HDAC9: variants seen among roughly 807,000 people sequenced by gnomAD.
The protein encoded by HDAC9 is MEF-2 interacting transcription repressor (MITR) protein.
A neutral mutation model predicts 139.4 loss-of-function variants in HDAC9; 41 were observed. The ratio of observed to expected loss-of-function variants is 0.29; its 90% CI spans 0.23 to 0.38. The LOEUF (loss-of-function observed/expected upper bound fraction) is 0.38, where lower values mean the gene tolerates loss of function less well. Among genes scored for constraint, HDAC9 ranks in the 10% least tolerant of loss-of-function variants. The pLI is 1.00. For missense variants in HDAC9, 1,147 were observed against 1,297.0 expected, an observed-to-expected ratio of 0.88 and a Z score of 1.78; for synonymous variants, 517 against 476.2, an observed-to-expected ratio of 1.09 and a Z score of -1.12.
intron 1 of HDAC9, among the ~76,000 whole-genome samples, chr7:18,439,623 T>C (rs74729276): frequency 0.033 from 4,981 of 152,286 alleles, 100 homozygotes; most frequent in African/African-American, 0.059. Flanking sequence ...TACTACTGTC[T>C]TCTTATTGAC....
chr7:18,602,289 ATAGT>A (rs370612522), intron 6 of HDAC9, among the ~76,000 whole-genome samples: 8 of 151,958 alleles, frequency 5.3e-5, no homozygotes, highest in African/African-American at 1.9e-4. Context: ...CACAGCATCA[ATAGT>A]TATGACCCCT....
chr7:18,774,081 T>C (rs538553671), intron 16 of HDAC9, among the ~76,000 whole-genome samples: 1 of 152,188 alleles, frequency 6.6e-6, no homozygotes, highest in Admixed American at 6.6e-5. Context: ...CCCTAGGATT[T>C]AATCATTCCC....
At chr7:18,826,986 T>G (rs1175930433) in intron 17 of HDAC9, among the ~76,000 whole-genome samples, 1 of 151,896 alleles carries the variant, frequency 6.6e-6, no homozygotes, top group Non-Finnish European at 1.5e-5. Flanking sequence ...GGTGCAGTGC[T>G]GCACAGCTGT....
At chr7:18,849,158 ACAGT>A (rs1408513963) in intron 21 of HDAC9, among the ~76,000 whole-genome samples, 9 of 152,228 alleles carry the variant, frequency 5.9e-5, no homozygotes, top group African/African-American at 1.9e-4. Flanking sequence ...TAAGATTCTC[ACAGT>A]CACTTTAGTA....
chr7:18,880,473 T>A (rs1283169356), intron 22 of HDAC9, among the ~76,000 whole-genome samples: 1 of 152,092 alleles, frequency 6.6e-6, no homozygotes, highest in Non-Finnish European at 1.5e-5. Flanking sequence ...TATGCAGCCA[T>A]AAAAAAGAAC....
chr7:18,411,875 G>A (rs1788594238), intron 1 of HDAC9, among the ~76,000 whole-genome samples: 1 of 143,760 alleles, frequency 7.0e-6, no homozygotes, highest in South Asian at 2.2e-4. Context: ...GCCTAGGCTG[G>A]AGTGCAGTGG....
chr7:18,888,352 G>A (rs1800361625), intron 22 of HDAC9, among the ~76,000 whole-genome samples: 1 of 152,188 alleles, frequency 6.6e-6, no homozygotes, highest in South Asian at 2.1e-4. Context: ...GTGAACCCGG[G>A]AGGCGGAGCT....
At chr7:18,176,601 C>G (rs1788923142) in intron 2 of HDAC9, among the ~76,000 whole-genome samples, 4 of 151,946 alleles carry the variant, frequency 2.6e-5, no homozygotes. Context: ...TTTTTAAACT[C>G]TTAGAAAATG....
At chr7:18,121,361 GT>G (rs1184246859) in intron 1 of HDAC9, among the ~76,000 whole-genome samples, 1 of 151,872 alleles carries the variant, frequency 6.6e-6, no homozygotes, top group Non-Finnish European at 1.5e-5. Flanking sequence ...AGGGTGTCGG[GT>G]TTTGTTCTGG....
chr7:18,124,664 G>A (rs527606679), intron 1 of HDAC9, among the ~76,000 whole-genome samples: 1 of 152,078 alleles, frequency 6.6e-6, no homozygotes, highest in Non-Finnish European at 1.5e-5. Context: ...GACGTCATGG[G>A]TTCATTTCAC....
intron 1 of HDAC9, among the ~76,000 whole-genome samples, chr7:18,330,718 G>A (rs1173133426): frequency 6.6e-6 from 1 of 151,524 alleles, no homozygotes; most frequent in Non-Finnish European, 1.5e-5. Flanking sequence ...GTGAATTTTT[G>A]TAGCCAACTT....
At chr7:18,149,746 G>C (rs924618292) in intron 1 of HDAC9, among the ~76,000 whole-genome samples, 1 of 152,082 alleles carries the variant, frequency 6.6e-6, no homozygotes, top group African/African-American at 2.4e-5. Flanking sequence ...AGTAGAGACA[G>C]GGTTTCACTG....
chr7:18,416,340 A>G (rs1298758388), intron 1 of HDAC9, among the ~76,000 whole-genome samples: 1 of 152,032 alleles, frequency 6.6e-6, no homozygotes, highest in Non-Finnish European at 1.5e-5. Context: ...TTTTACATCT[A>G]TGTTCATGAA....
At chr7:18,170,414 G>A (rs190514049) in intron 2 of HDAC9, among the ~76,000 whole-genome samples, 5 of 152,176 alleles carry the variant, frequency 3.3e-5, no homozygotes, top group African/African-American at 1.2e-4. Flanking sequence ...TCTGATAATA[G>A]TTTCTTTTGC....
chr7:18,835,293 T>C (rs1796155224), intron 19 of HDAC9, among the ~76,000 whole-genome samples, 174 bp from the exon 20 acceptor site: 1 of 151,688 alleles, frequency 6.6e-6, no homozygotes, highest in Non-Finnish European at 1.5e-5. Flanking sequence ...GTTCAGGAAG[T>C]AAAGGGGGTG....
At chr7:18,378,379 A>G (rs1360096699) in intron 1 of HDAC9, among the ~76,000 whole-genome samples, 1 of 152,028 alleles carries the variant, frequency 6.6e-6, no homozygotes, top group Non-Finnish European at 1.5e-5. Flanking sequence ...TTAATAAATT[A>G]TATAAAAAAC....
At chr7:18,101,539 G>T (rs893305343) in intron 1 of HDAC9, among the ~76,000 whole-genome samples, 5 of 152,102 alleles carry the variant, frequency 3.3e-5, no homozygotes, top group Admixed American at 2.0e-4. Flanking sequence ...GTAAAACCTT[G>T]TTGGTCAATA....
chr7:18,847,301 T>C (rs1796973607), intron 21 of HDAC9, among the ~76,000 whole-genome samples: 1 of 152,220 alleles, frequency 6.6e-6, no homozygotes, highest in Admixed American at 6.5e-5. Flanking sequence ...TTCCATTTTT[T>C]AAACAAGTGA....
At chr7:18,630,414 T>C (rs1781986254) in intron 7 of HDAC9, among the ~76,000 whole-genome samples, 1 of 152,198 alleles carries the variant, frequency 6.6e-6, no homozygotes, top group East Asian at 1.9e-4. Flanking sequence ...TCTGTATAAC[T>C]CTTTTGGCCA....
Sources: gnomAD v4.1 joint callset for allele counts (sites outside exome capture counted in the v4.1 genomes callset) on GRCh38, gnomAD v4.1.1 for gene constraint, MANE v1.5 for transcripts, NCBI Gene and HGNC (gene_info 2026-07-23, HGNC 2026-07-21) for gene names.